The following NELL1 variants were observed in gnomAD, a reference collection of about 807,000 sequenced individuals.
The protein encoded by NELL1 is protein kinase C-binding protein NELL1.
NELL1 carries 76 observed loss-of-function variants against 107.4 expected under a neutral mutation model. The ratio of observed to expected loss-of-function variants is 0.71; its 90% CI spans 0.59 to 0.86. The LOEUF (loss-of-function observed/expected upper bound fraction) is 0.86. NELL1 is among the 40% of genes least tolerant of loss of function. NELL1 has a pLI of 0.00. For synonymous variants in NELL1, 353 were observed against 341.2 expected, an observed-to-expected ratio of 1.03 and a Z score of -0.38; for missense variants, 1,024 against 1,005.5, an observed-to-expected ratio of 1.02 and a Z score of -0.25.
chr11:21,404,059 C>T (rs910510063), intron 15 of NELL1, among the ~76,000 whole-genome samples: 38 of 142,546 alleles, frequency 2.7e-4, no homozygotes, highest in African/African-American at 9.5e-4. Flanking sequence ...CCACGCACAC[C>T]GATTCATAAA....
intron 15 of NELL1, among the ~76,000 whole-genome samples, chr11:21,517,158 C>G (rs193062466): frequency 1.3e-4 from 19 of 148,868 alleles, no homozygotes; most frequent in African/African-American, 4.5e-4. Flanking sequence ...GTCCTATTAC[C>G]TAGGAAACCT....
At chr11:21,548,713 G>C (rs144514276) in intron 16 of NELL1, among the ~76,000 whole-genome samples, 1 of 151,732 alleles carries the variant, frequency 6.6e-6, no homozygotes, top group African/African-American at 2.4e-5. Context: ...TAAGGTTACT[G>C]TGTTTGTATT....
intron 15 of NELL1, among the ~76,000 whole-genome samples, chr11:21,524,034 A>G (rs1021293462): frequency 6.6e-6 from 1 of 152,072 alleles, no homozygotes; most frequent in Non-Finnish European, 1.5e-5. Context: ...TATTCAACTC[A>G]GTATGTTTTT....
In NELL1 at chr11:20,895,317, A is replaced by C. The variant is rs1200255818; in HGVS notation, c.603+9777A>C. Among the ~76,000 whole-genome samples, 59 of 136,570 alleles carry C rather than the reference A, an allele frequency of 4.3e-4. 5 individuals carry two copies. The highest frequency in any genetic ancestry group is 1.6e-3 in the African/African-American group (59 of 36,446). 89.6% of individuals were successfully genotyped at this position (136,570 alleles called of 152,430 possible). A position where few individuals can be genotyped will look rare whatever the true frequency, so the allele number is the denominator to read the frequency against. On this transcript the variant is annotated intron_variant, in intron 5 of 19. Transcript: ENST00000357134. ...AAAAAAAAAAAAAAAAAAAAAAAGA[A>C]ATTATTCCTTCTGTCCTACTGTGTA...
At chr11:21,241,411 G>T (rs749573076) in intron 14 of NELL1, among the ~76,000 whole-genome samples, 11 of 152,114 alleles carry the variant, frequency 7.2e-5, no homozygotes, top group Non-Finnish European at 1.3e-4. Flanking sequence ...GTGCCATATT[G>T]TAAGGCAAGG....
chr11:20,696,728 A>G (rs1396321260), intron 2 of NELL1, among the ~76,000 whole-genome samples: 4 of 152,174 alleles, frequency 2.6e-5, no homozygotes, highest in Admixed American at 1.3e-4. Context: ...CACTGTCACA[A>G]TAACTTTAGA....
chr11:20,933,030 A>AT, intron 9 of NELL1, among the ~76,000 whole-genome samples: 1 of 152,262 alleles, frequency 6.6e-6, no homozygotes, highest in Admixed American at 6.5e-5. Context: ...AGGGAATTGC[A>AT]TACACAAAAT....
intron 1 of NELL1, among the ~76,000 whole-genome samples, chr11:20,676,598 A>G (rs1039441137): frequency 2.1e-4 from 32 of 152,192 alleles, no homozygotes; most frequent in African/African-American, 7.7e-4. Context: ...AGCTCTAAAG[A>G]GGCCTTCCTG....
chr11:21,305,768 A>G lies in NELL1; in HGVS notation c.1550-65085A>G, dbSNP rs1474143249. Among the ~76,000 whole-genome samples the G allele has an allele frequency of 1.1e-4, 16 of 152,096 alleles. No homozygotes were observed. In the South Asian group the frequency reaches 3.3e-3, roughly 32 times the overall value. On this transcript the variant is annotated intron_variant, in intron 14 of 19. Coordinates refer to ENST00000357134, the MANE Select transcript of NELL1 (RefSeq NM_006157.5). ...TTACATTTGTTACAAGCATTTCATA[A>G]TCCTTTTAAAATAGCTGCATATTAT... is the stretch of plus-strand genomic sequence containing the variant.
intron 12 of NELL1, among the ~76,000 whole-genome samples, chr11:21,105,862 C>CCCTTCCCCTCTGCT (rs1565062810): frequency 2.3e-3 from 1 of 436 alleles, no homozygotes; most frequent in African/African-American, 8.6e-3. Context: ...TCTCTCCCCT[C>CCCTTCCCCTCTGCT]CCCCTCCCCT....
chr11:21,570,075 A>G (rs1857063037), intron 17 of NELL1, among the ~76,000 whole-genome samples: 1 of 151,890 alleles, frequency 6.6e-6, no homozygotes, highest in Non-Finnish European at 1.5e-5. Context: ...TCAATTTTTT[A>G]TAGCTATGAA....
chr11:21,195,588 A>G (rs79406419), intron 13 of NELL1, among the ~76,000 whole-genome samples: 5 of 137,948 alleles, frequency 3.6e-5, no homozygotes, highest in African/African-American at 8.4e-5. Flanking sequence ...AAAAAAAAAA[A>G]GGGCAGTTAA....
Position 20,692,885 on chromosome 11 carries a change from G to T in NELL1, c.184+14825G>T, listed in dbSNP as rs914947686. ...TGATCTGTCTAATGTTGACAGTGGG[G>T]TGTTAAAGTCTCCCATTATTAATGC... On this transcript the variant is annotated intron_variant, in intron 2 of 19. Transcript: ENST00000357134. Among the ~76,000 whole-genome samples the T allele has an allele frequency of 9.9e-5, 15 of 152,250 alleles. No homozygotes were observed. In the East Asian group the frequency reaches 2.3e-3, roughly 23 times the overall value.
chr11:21,212,440 C>T (rs1008496971), intron 13 of NELL1, among the ~76,000 whole-genome samples: 2 of 152,260 alleles, frequency 1.3e-5, no homozygotes, highest in Non-Finnish European at 2.9e-5. Flanking sequence ...AGAGCAGTCC[C>T]AGTCCTTCTA....
At chr11:21,552,575 C>T (rs7933730) in intron 16 of NELL1, among the ~76,000 whole-genome samples, 43,984 of 151,690 alleles carry the variant, frequency 0.29, 6,850 homozygotes, top group Middle Eastern at 0.39. Flanking sequence ...GTCTCCTACT[C>T]TGTGCTTCCT....
At chr11:21,351,907 A>G (rs1010456907) in intron 14 of NELL1, among the ~76,000 whole-genome samples, 1 of 152,164 alleles carries the variant, frequency 6.6e-6, no homozygotes, top group Non-Finnish European at 1.5e-5. Flanking sequence ...GTTCAGAACA[A>G]TAAAATAAAG....
chr11:21,425,756 TAATACA>T (rs1264493997), intron 15 of NELL1, among the ~76,000 whole-genome samples: 1 of 152,144 alleles, frequency 6.6e-6, no homozygotes, highest in Non-Finnish European at 1.5e-5. Context: ...AATAGAAAAC[TAATACA>T]AAGATAAAGA....
At chr11:20,749,505 G>A (rs976971512) in intron 2 of NELL1, among the ~76,000 whole-genome samples, 16 of 152,082 alleles carry the variant, frequency 1.1e-4, no homozygotes, top group African/African-American at 3.9e-4. Context: ...GGAGGCTGAG[G>A]TAGGAGGAAT....
intron 12 of NELL1, among the ~76,000 whole-genome samples, chr11:21,067,120 G>A (rs974636238): frequency 6.6e-6 from 1 of 152,020 alleles, no homozygotes; most frequent in African/African-American, 2.4e-5. Context: ...TCCCTTCACA[G>A]TAAGGAATTA....
Sources: gnomAD v4.1 joint callset for allele counts (sites outside exome capture counted in the v4.1 genomes callset) on GRCh38, gnomAD v4.1.1 for gene constraint, MANE v1.5 for transcripts, NCBI Gene and HGNC (gene_info 2026-07-23, HGNC 2026-07-21) for gene names.